The following SORCS2 variants were observed in gnomAD, a reference collection of about 807,000 sequenced individuals.
SORCS2 encodes sortilin related VPS10 domain containing receptor 2, also known as VPS10 domain-containing receptor SorCS2.
SORCS2 carries 100 observed loss-of-function variants against 141.6 expected under a neutral mutation model. The observed-to-expected ratio is 0.71, with a 90% CI of 0.60 to 0.83. The LOEUF (loss-of-function observed/expected upper bound fraction) is 0.83, where lower values mean the gene tolerates loss of function less well. Ranked by LOEUF, SORCS2 falls within the 40% of genes least tolerant of loss-of-function variation. The pLI is 0.00. For missense variants in SORCS2, 1,646 were observed against 1,560.2 expected (o/e 1.05, Z -0.93); for synonymous variants, 789 against 676.9 (o/e 1.17, Z -2.57).
At chr4:7,322,725 G>T (rs1190780822) in intron 1 of SORCS2, among the ~76,000 whole-genome samples, 1 of 152,234 alleles carries the variant, frequency 6.6e-6, no homozygotes, top group African/African-American at 2.4e-5. Flanking sequence ...TTGGCAAAGA[G>T]ATTTCCTTCT....
intron 1 of SORCS2, among the ~76,000 whole-genome samples, chr4:7,269,526 A>G (rs1714978249): frequency 6.6e-6 from 1 of 152,358 alleles, no homozygotes; most frequent in East Asian, 1.9e-4. Flanking sequence ...CCCTAAATCC[A>G]ATGGCTTGAG....
In SORCS2 at chr4:7,280,341, C is replaced by T. The variant is rs967906441; in HGVS notation, c.480+87215C>T. Among the ~76,000 whole-genome samples the T allele has an allele frequency of 2.6e-5, 4 of 152,108 alleles. No individual in the cohort carries two copies. In the South Asian group the frequency reaches 8.3e-4, roughly 32 times the overall value. Reference sequence around the variant, plus strand: ...AAAAAATGACTGCACTCTCGAGAGGCGAGGATGGGAGGACTGGACCAAAAT... The same window carrying T: ...AAAAAATGACTGCACTCTCGAGAGGTGAGGATGGGAGGACTGGACCAAAAT... On this transcript the variant is annotated intron_variant, in intron 1 of 26. Transcript: ENST00000507866.
intron 2 of SORCS2, among the ~76,000 whole-genome samples, chr4:7,405,364 G>T (rs1433153380): frequency 6.6e-6 from 1 of 151,862 alleles, no homozygotes; most frequent in Non-Finnish European, 1.5e-5. Context: ...TTTGAATTTA[G>T]GGTTATTTTT....
intron 1 of SORCS2, among the ~76,000 whole-genome samples, chr4:7,339,007 C>T (rs1224543985): frequency 4.6e-5 from 7 of 152,234 alleles, no homozygotes; most frequent in Non-Finnish European, 1.0e-4. Flanking sequence ...AGGGCAGAGC[C>T]TGCCAGGGGA....
chr4:7,620,611 G>C (rs1719101294), intron 3 of SORCS2, among the ~76,000 whole-genome samples: 1 of 152,224 alleles, frequency 6.6e-6, no homozygotes, highest in Non-Finnish European at 1.5e-5. Context: ...ACAATGCCAG[G>C]CTCCAGGCAC....
chr4:7,390,292 A>G (rs1220354558), intron 1 of SORCS2, among the ~76,000 whole-genome samples: 1 of 152,136 alleles, frequency 6.6e-6, no homozygotes, highest in Non-Finnish European at 1.5e-5. Context: ...CTTTTTGATG[A>G]TTCTTGAGCC....
intron 1 of SORCS2, among the ~76,000 whole-genome samples, chr4:7,336,065 C>T (rs1400974812): frequency 2.6e-5 from 4 of 152,236 alleles, no homozygotes; most frequent in Middle Eastern, 3.2e-3. Context: ...CAGGGGCTCA[C>T]TTGCCCTCCT....
chr4:7,469,223 C>T (rs908230591), intron 2 of SORCS2, among the ~76,000 whole-genome samples: 3 of 147,672 alleles, frequency 2.0e-5, no homozygotes, highest in South Asian at 2.1e-4. Flanking sequence ...CTGTTGATGG[C>T]GGTGGTGATA....
intron 17 of SORCS2, among the ~76,000 whole-genome samples, chr4:7,716,477 C>A (rs1726195719): frequency 6.6e-6 from 1 of 152,216 alleles, no homozygotes; most frequent in South Asian, 2.1e-4. Flanking sequence ...ACTATCCATG[C>A]ATCCATCTAT....
chr4:7,310,020 C>T (rs1577383154), intron 1 of SORCS2, among the ~76,000 whole-genome samples: 2 of 152,304 alleles, frequency 1.3e-5, no homozygotes, highest in South Asian at 4.1e-4. Flanking sequence ...GTTTTCCATT[C>T]TGAAAGGCTT....
At chr4:7,711,886 G>C (rs893644962) in intron 14 of SORCS2, among the ~76,000 whole-genome samples, 4 of 152,154 alleles carry the variant, frequency 2.6e-5, no homozygotes, top group Non-Finnish European at 5.9e-5. Flanking sequence ...GGAATCCCCA[G>C]CACCTTTAGA....
chr4:7,346,708 G>A (rs774197885), intron 1 of SORCS2, among the ~76,000 whole-genome samples: 2 of 152,152 alleles, frequency 1.3e-5, no homozygotes, highest in Non-Finnish European at 1.5e-5. Context: ...TGTACTTTAG[G>A]GCTATGTTGT....
At chr4:7,606,708 G>A (rs888569236) in intron 3 of SORCS2, among the ~76,000 whole-genome samples, 5 of 152,026 alleles carry the variant, frequency 3.3e-5, no homozygotes, top group South Asian at 2.1e-4. Context: ...AAGGCTAGAC[G>A]GTGTGGTCTC....
At chr4:7,499,263 A>C (rs948872357) in intron 2 of SORCS2, among the ~76,000 whole-genome samples, 1 of 152,192 alleles carries the variant, frequency 6.6e-6, no homozygotes, top group African/African-American at 2.4e-5. Flanking sequence ...CACATGGGGC[A>C]GGTCGGGGGA....
rs902858065 is a variant in SORCS2 at position 7,597,962 on chromosome 4, C to CTT, written c.649-40343_649-40342dup. Among the ~76,000 whole-genome samples the CTT allele has an allele frequency of 7.4e-3, 673 of 91,486 alleles. 11 individuals are homozygous for CTT. The highest frequency in any genetic ancestry group is 0.011 in the Non-Finnish European group (522 of 45,628). 60.0% of individuals were successfully genotyped at this position (91,486 alleles called of 152,430 possible). A position where few individuals can be genotyped will look rare whatever the true frequency, so the allele number is the denominator to read the frequency against. ...CAGTGGGGATGACAGTTCAGCTAAT[C>CTT]TTTTTTTTTTTTTTTTTTTTTTTTA... is the stretch of plus-strand genomic sequence containing the variant. On this transcript the variant is annotated intron_variant, in intron 3 of 26. Coordinates refer to ENST00000507866, the MANE Select transcript of SORCS2 (RefSeq NM_020777.3).
Position 7,437,805 on chromosome 4 carries a change from C to T in SORCS2, c.548+41450C>T, listed in dbSNP as rs1001193670. 2.0e-5 allele frequency among the ~76,000 whole-genome samples: 3 copies of T among 152,236 alleles called. No homozygotes were observed. The South Asian group carries it at 6.2e-4, about 32-fold the overall frequency. On this transcript the variant is annotated intron_variant, in intron 2 of 26. Coordinates refer to ENST00000507866, the MANE Select transcript of SORCS2 (RefSeq NM_020777.3). ...CAAGGCACTCCCGAGTACCTTTGCCCAGACACACCTGCCCCACTTGTTTCG... is the reference window on the plus strand; with the variant it reads ...CAAGGCACTCCCGAGTACCTTTGCCTAGACACACCTGCCCCACTTGTTTCG...
chr4:7,677,224 C>T (rs28432988), intron 9 of SORCS2, among the ~76,000 whole-genome samples: 3,699 of 152,248 alleles, frequency 0.024, 151 homozygotes, highest in African/African-American at 0.084. Flanking sequence ...CGGCCTCCCG[C>T]GTGAGCCTCC....
chr4:7,487,261 C>T (rs771838100), intron 2 of SORCS2, among the ~76,000 whole-genome samples: 1 of 152,230 alleles, frequency 6.6e-6, no homozygotes, highest in African/African-American at 2.4e-5. Flanking sequence ...GGTAATAAAT[C>T]GAAGTTCTGT....
At chr4:7,340,998 T>C (rs6446592) in intron 1 of SORCS2, among the ~76,000 whole-genome samples, 26,541 of 152,146 alleles carry the variant, frequency 0.17, 2,460 homozygotes, top group Non-Finnish European at 0.21. Flanking sequence ...GAACAAACCC[T>C]GCCTGCAGGC....
Sources: allele counts gnomAD v4.1 joint callset (sites outside exome capture counted in the v4.1 genomes callset), GRCh38; gene constraint gnomAD v4.1.1; transcripts MANE v1.5; gene names NCBI Gene and HGNC (gene_info 2026-07-23, HGNC 2026-07-21).